Variants in SOX6 observed in about 807,000 individuals in gnomAD.
SOX6 encodes SRY-box transcription factor 6.
In SOX6, 11 loss-of-function variants were observed where a neutral mutation model predicts 97.8. The observed-to-expected ratio is 0.11, with a 90% CI of 0.07 to 0.19. The LOEUF (loss-of-function observed/expected upper bound fraction) is 0.19. Ranked by LOEUF, SOX6 falls within the 10% of genes least tolerant of loss-of-function variation. SOX6 has a pLI of 1.00. For synonymous variants in SOX6, 360 were observed against 371.4 expected, an observed-to-expected ratio of 0.97 and a Z score of 0.35; for missense variants, 810 against 1,039.5, an observed-to-expected ratio of 0.78 and a Z score of 3.04.
intron 3 of SOX6, among the ~76,000 whole-genome samples, chr11:16,634,310 T>A (rs1848752811): frequency 6.8e-6 from 1 of 146,720 alleles, no homozygotes; most frequent in Non-Finnish European, 1.5e-5. Flanking sequence ...TAAAAGCAAT[T>A]AGAAGAAAAG....
chr11:16,482,649 T>C (rs1179023153), intron 4 of SOX6, among the ~76,000 whole-genome samples: 1 of 151,878 alleles, frequency 6.6e-6, no homozygotes, highest in Non-Finnish European at 1.5e-5. Flanking sequence ...TGTGTGTTTG[T>C]TAGTTGTTCT....
chr11:16,624,243 A>G (rs1848591422), intron 3 of SOX6, among the ~76,000 whole-genome samples: 1 of 146,770 alleles, frequency 6.8e-6, no homozygotes, highest in South Asian at 2.1e-4. Flanking sequence ...GCTGGAGTGC[A>G]GTGGCATGAT....
intron 3 of SOX6, among the ~76,000 whole-genome samples, chr11:16,274,313 T>C (rs1379610819): frequency 6.6e-6 from 1 of 152,142 alleles, no homozygotes; most frequent in East Asian, 1.9e-4. Flanking sequence ...TATATTTAGA[T>C]AGCATCTACA....
intron 15 of SOX6, among the ~76,000 whole-genome samples, chr11:15,981,561 A>C (rs190335480): frequency 1.3e-5 from 2 of 152,190 alleles, no homozygotes; most frequent in African/African-American, 4.8e-5. Context: ...TGTAGCTGAT[A>C]CTGCAGGAAG....
chr11:16,299,222 G>A (rs1257483150), intron 3 of SOX6, among the ~76,000 whole-genome samples: 6 of 152,062 alleles, frequency 3.9e-5, no homozygotes, highest in Non-Finnish European at 7.4e-5. Context: ...TCTACTGCAC[G>A]AAAATAAAGT....
intron 4 of SOX6, among the ~76,000 whole-genome samples, chr11:16,494,226 A>G (rs1453339941): frequency 1.3e-5 from 2 of 152,024 alleles, no homozygotes; most frequent in African/African-American, 4.8e-5. Flanking sequence ...AAAATACAAA[A>G]TTAGCCAGGC....
At chr11:16,658,640 G>A (rs12274734) in intron 3 of SOX6, among the ~76,000 whole-genome samples, 1 of 151,910 alleles carries the variant, frequency 6.6e-6, no homozygotes, top group Admixed American at 6.6e-5. Flanking sequence ...CCCGGGAGGC[G>A]GAGCTTGCAG....
At chr11:16,316,844 A>G (rs1855770177) in intron 3 of SOX6, 1 of 152,092 alleles carries the variant, frequency 6.6e-6, no homozygotes, top group Admixed American at 6.6e-5. Flanking sequence ...TGGACAACAA[A>G]GCCTCAGAAG....
At chr11:16,504,403 C>G (rs1436260831) in intron 4 of SOX6, among the ~76,000 whole-genome samples, 1 of 151,860 alleles carries the variant, frequency 6.6e-6, no homozygotes, top group Non-Finnish European at 1.5e-5. Context: ...TTTCAGGATA[C>G]AAAATACATA....
intron 1 of SOX6, among the ~76,000 whole-genome samples, chr11:16,352,054 AAGT>A (rs1245629189): frequency 1.3e-5 from 2 of 152,180 alleles, no homozygotes; most frequent in South Asian, 4.1e-4. Context: ...AACCAGAAAA[AAGT>A]AGCCATGAAA....
At chr11:16,004,315 T>G (rs1019815245) in intron 13 of SOX6, among the ~76,000 whole-genome samples, 1 of 151,946 alleles carries the variant, frequency 6.6e-6, no homozygotes, top group East Asian at 1.9e-4. Context: ...TCCCCAAATT[T>G]CACACTTTCC....
intron 1 of SOX6, among the ~76,000 whole-genome samples, chr11:16,412,065 T>C (rs1053345399): frequency 1.3e-5 from 2 of 152,142 alleles, no homozygotes; most frequent in Non-Finnish European, 2.9e-5. Flanking sequence ...CTTCTTTCAT[T>C]TATGAAAAAG....
At chr11:16,485,964 A>G (rs1315469305) in intron 4 of SOX6, among the ~76,000 whole-genome samples, 1 of 2,384 alleles carries the variant, frequency 4.2e-4, no homozygotes, top group Non-Finnish European at 6.2e-4. Context: ...AGGGGAGGGG[A>G]GGGGAGGGGA....
chr11:16,664,876 GC>G (rs1847795307), intron 3 of SOX6, among the ~76,000 whole-genome samples: 1 of 151,958 alleles, frequency 6.6e-6, no homozygotes, highest in African/African-American at 2.4e-5. Context: ...GTAGGATAGG[GC>G]AGCAGAGAGA....
intron 1 of SOX6, among the ~76,000 whole-genome samples, chr11:16,346,622 A>C: frequency 6.6e-6 from 1 of 152,084 alleles, no homozygotes; most frequent in Admixed American, 6.6e-5. Flanking sequence ...AGTAATTAAG[A>C]AAATTCAGGT....
chr11:16,630,839 C>T lies in SOX6; in HGVS notation n.430-18579G>A, dbSNP rs1848696728. 4.6e-5 allele frequency among the ~76,000 whole-genome samples: 7 copies of T among 152,144 alleles called. 1 individual carries two copies. In the South Asian group the frequency reaches 1.5e-3, roughly 32 times the overall value. On this transcript the variant is annotated intron_variant and non_coding_transcript_variant, in intron 3 of 5. Transcript: ENST00000524520. The stretch of plus-strand genomic sequence containing the variant: ...TTGAACCCTTTATCATTATATAATG[C>T]CTTTCTTTGTCTTTTTTTACTATGG...
intron 6 of SOX6, among the ~76,000 whole-genome samples, chr11:16,161,081 T>C (rs1304119285): frequency 1.3e-5 from 2 of 152,024 alleles, no homozygotes; most frequent in African/African-American, 4.8e-5. Flanking sequence ...GAGGGTGATA[T>C]GGAGCATTTG....
At chr11:16,228,237 C>T (rs2134167007) in intron 4 of SOX6, among the ~76,000 whole-genome samples, 1 of 151,662 alleles carries the variant, frequency 6.6e-6, no homozygotes, top group African/African-American at 2.4e-5. Flanking sequence ...TGGGACACAA[C>T]ACTTCAGATG....
In SOX6 at chr11:16,389,985, A is replaced by AAAAAC. The variant is rs1389161723; in HGVS notation, c.-4-48734_-4-48733insGTTTT. Among the ~76,000 whole-genome samples, 651 of 148,700 alleles carry AAAAAC rather than the reference A, an allele frequency of 4.4e-3. 12 individuals carry two copies. The highest frequency in any genetic ancestry group is 7.9e-3 in the Non-Finnish European group (526 of 66,848). On this transcript the variant is annotated intron_variant, in intron 1 of 15. Transcript: ENST00000396356. ...ACTCCGTCTTAAAAAAAAAAAAAAA[A>AAAAAC]AAAAAAAAAAAGAAGCTTACTTGCT... is the stretch of plus-strand genomic sequence containing the variant.
Sources: gnomAD v4.1 joint callset for allele counts (sites outside exome capture counted in the v4.1 genomes callset) on GRCh38, gnomAD v4.1.1 for gene constraint, MANE v1.5 for transcripts, NCBI Gene and HGNC (gene_info 2026-07-23, HGNC 2026-07-21) for gene names.